The following ZNF587B variants were observed in gnomAD, a reference collection of about 807,000 sequenced individuals.
The protein encoded by ZNF587B is zinc finger protein 587B.
Under a neutral mutation model 7.2 loss-of-function variants are expected in ZNF587B, and 6 were observed. That is an observed-to-expected ratio of 0.83 (90% CI 0.46 to 1.65). The LOEUF is 1.65. Ranked by LOEUF, ZNF587B falls within the 40% of genes most tolerant of loss-of-function variation. ZNF587B has a pLI of 0.01. For missense variants in ZNF587B, 749 were observed against 761.0 expected, an observed-to-expected ratio of 0.98 and a Z score of 0.19; for synonymous variants, 274 against 254.3, an observed-to-expected ratio of 1.08 and a Z score of -0.74.
intron 1 of ZNF587B, among the ~76,000 whole-genome samples, chr19:57,832,118 G>C (rs1170562442): frequency 3.3e-5 from 5 of 150,460 alleles, no homozygotes; most frequent in Admixed American, 6.6e-5. Context: ...ACAGAGTCTC[G>C]CTCTATCGCC....
In ZNF587B at chr19:57,840,732, A is replaced by G. The variant is rs567185076; in HGVS notation, c.164-106A>G. 5.0e-6 allele frequency: 8 copies of G among 1,606,992 alleles called. No homozygotes were observed. The African/African-American group carries it at 1.1e-4, about 22-fold the overall frequency. On this transcript the variant is annotated intron_variant, in intron 2 of 2. Coordinates refer to ENST00000594901, the MANE Select transcript of ZNF587B (RefSeq NM_001376223.1). ...CTGAAGCCAACATCCTGTTCCTCCA[A>G]GTAGTTCCTTGGAGTAATTCCTCAG...
At chr19:57,838,091 A>G (rs1485342754) in intron 1 of ZNF587B, among the ~76,000 whole-genome samples, 1 of 151,764 alleles carries the variant, frequency 6.6e-6, no homozygotes, top group African/African-American at 2.4e-5. Flanking sequence ...GGTGGATCAC[A>G]AAGTCAGGAG....
Position 57,841,957 on chromosome 19 carries a change from A to G in ZNF587B, c.1283A>G (p.His428Arg), listed in dbSNP as rs752377788. The G allele has an allele frequency of 1.2e-6, 2 of 1,612,162 alleles. No individual in the cohort carries two copies. Among genetic ancestry groups the G allele is most frequent in the East Asian group, 4.5e-5 (2 of 44,784 alleles). Residue 428 changes from histidine to arginine, a missense_variant, in exon 3 of 3, where the codon CAT (histidine) becomes CGT (arginine). His to Arg is a conservative substitution (Grantham distance 29, BLOSUM62 0). Transcript: ENST00000594901. ...AATGAAAAAGGACACCTTAGGAGTCATCAGCGAGTTCACACTACAGAAAGA... is the reference window on the plus strand; with the variant it reads ...AATGAAAAAGGACACCTTAGGAGTCGTCAGCGAGTTCACACTACAGAAAGA... ...SFNEKGHLRS[H>R]QRVHTTERPY... is the part of the protein sequence containing the mutation.
At position 57,841,407 on chromosome 19, in the gene ZNF587B, T is replaced by C. The variant is rs1327719765; in HGVS notation, c.733T>C (p.Cys245Arg). The C allele has an allele frequency of 9.5e-6, 15 of 1,585,714 alleles. No homozygotes were observed. Among genetic ancestry groups the C allele is most frequent in the Non-Finnish European group, 1.3e-5 (15 of 1,165,120 alleles). The change falls in exon 3 of 3, where the codon TGT becomes CGT. Residue 245 changes from cysteine to arginine, a missense_variant. Cys to Arg is a radical substitution (Grantham distance 180). This residue lies in a region of ZNF587B where 656 missense variants were observed against 596.5 expected (regional missense o/e 1.10). Transcript: ENST00000594901. ...LLPREECYVC[C>R]ECGKSFSKYV... The stretch of plus-strand genomic sequence containing the variant: ...CCCTCGAGAAGAATGTTATGTGTGC[T>C]GTGAATGTGGGAAATCCTTTAGCAA...
In ZNF587B at chr19:57,843,241, C is replaced by T; in HGVS notation, c.*665C>T. On this transcript the variant is annotated 3_prime_UTR_variant, in exon 3 of 3. Transcript: ENST00000594901. ...TCCTGAGCTCAAGCAATCTGTACAC[C>T]TCAGCCTCCCAAAGTGCTGAGATTG... 2.1e-6 allele frequency: 2 copies of T among 958,294 alleles called. No homozygotes were observed. The highest frequency in any genetic ancestry group is 2.5e-6 in the Non-Finnish European group (2 of 805,238). The allele number at this position is 958,294 out of a possible 1,614,324, so 59.4% of individuals were successfully genotyped here. A position where few individuals can be genotyped will look rare whatever the true frequency, so the allele number is the denominator to read the frequency against.
intron 1 of ZNF587B, among the ~76,000 whole-genome samples, chr19:57,835,307 G>C (rs921335401): frequency 8.3e-6 from 1 of 120,838 alleles, no homozygotes; most frequent in African/African-American, 3.3e-5. Flanking sequence ...TAATGCGGTC[G>C]GTAAGGACAT....
intron 1 of ZNF587B, among the ~76,000 whole-genome samples, chr19:57,836,685 C>T (rs1344350098): frequency 3.9e-5 from 6 of 152,092 alleles, no homozygotes; most frequent in South Asian, 2.1e-4. Flanking sequence ...TATATCTGAA[C>T]GGGTGCAGTG....
At position 57,842,047 on chromosome 19, in the gene ZNF587B, A is replaced by G; in HGVS notation, c.1373A>G (p.His458Arg). The change falls in exon 3 of 3, where the codon CAT (histidine) becomes CGT (arginine). Residue 458 changes from histidine to arginine, a missense_variant. Coordinates refer to ENST00000594901, the MANE Select transcript of ZNF587B (RefSeq NM_001376223.1). ...AAGGGTAACCTCATTCTACACCAGC[A>G]TGGCCATACTAGAAAAAGGCCTTAT... ...SHKGNLILHQ[H>R]GHTRKRPYMC... The G allele has an allele frequency of 6.3e-7, 1 of 1,590,892 alleles. No homozygotes were observed.
At chr19:57,831,964 C>T (rs1299986917) in intron 1 of ZNF587B, among the ~76,000 whole-genome samples, 5 of 152,016 alleles carry the variant, frequency 3.3e-5, no homozygotes, top group East Asian at 3.9e-4. Flanking sequence ...CCTCGGCCTC[C>T]GAAAGTGCTG....
Position 57,841,424 on chromosome 19 carries a change from C to G in ZNF587B, c.750C>G (p.Ser250=), listed in dbSNP as rs759779665. Reference sequence around the variant, plus strand: ...ATGTGTGCTGTGAATGTGGGAAATCCTTTAGCAAATATGTTAGCTTCAGTA... The same window carrying G: ...ATGTGTGCTGTGAATGTGGGAAATCGTTTAGCAAATATGTTAGCTTCAGTA... The part of the protein sequence containing the change: ...ECYVCCECGK[S]FSKYVSFSNH... Residue 250 remains serine, a synonymous_variant, in exon 3 of 3, where the codon TCC becomes TCG. Transcript: ENST00000594901. The G allele has an allele frequency of 4.2e-5, 66 of 1,584,096 alleles. No individual in the cohort carries two copies. In the East Asian group the frequency reaches 1.4e-3, roughly 34 times the overall value.
rs765611760 is a variant in ZNF587B, at chr19:57,841,378, T to A, written c.704T>A (p.Leu235His). The A allele has an allele frequency of 1.7e-4, 264 of 1,589,484 alleles. No individual in the cohort carries two copies. Among genetic ancestry groups the A allele is most frequent in the Non-Finnish European group, 2.2e-4 (254 of 1,167,008 alleles). The change falls in exon 3 of 3, where the codon CTT becomes CAT. Residue 235 changes from leucine (L) to histidine (H), a missense_variant. Coordinates refer to ENST00000594901, the MANE Select transcript of ZNF587B (RefSeq NM_001376223.1). ...CATATACTCAGTCAGCACCAGAGAC[T>A]TCTCCCTCGAGAAGAATGTTATGTG... ...TKHILSQHQR[L>H]LPREECYVCC...
Position 57,830,492 on chromosome 19 carries a change from C to T in ZNF587B, c.-37C>T. ...ATGCCCATATCTCCTGGCTGGTCAC[C>T]CTCTCCTCCCAACCCTGCTTTAAAC... is the stretch of plus-strand genomic sequence containing the variant. On this transcript the variant is annotated 5_prime_UTR_variant, in exon 1 of 3. Transcript: ENST00000594901. 6.5e-7 allele frequency: 1 copy of T among 1,548,076 alleles called. No individual in the cohort carries two copies.
intron 1 of ZNF587B, among the ~76,000 whole-genome samples, chr19:57,838,576 G>A (rs2122229599): frequency 6.6e-6 from 1 of 152,292 alleles, no homozygotes; most frequent in Non-Finnish European, 1.5e-5. Context: ...ACTCCAGCCT[G>A]GCAGCAGAGG....
In ZNF587B at chr19:57,842,162, T is replaced by G. The variant is rs1161792626; in HGVS notation, c.1488T>G (p.Cys496Trp). The change falls in exon 3 of 3, where the codon TGT becomes TGG. Residue 496 changes from cysteine to tryptophan, a missense_variant. Coordinates refer to ENST00000594901, the MANE Select transcript of ZNF587B (RefSeq NM_001376223.1). The stretch of plus-strand genomic sequence containing the variant: ...ACAGTGGAGAGAAGCCATATGCTTG[T>G]GAGGCTTGTCAGAAATTTTTTAGGC... ...RIHSGEKPYA[C>W]EACQKFFRHK... is the part of the protein sequence containing the mutation. 1 of 1,613,012 alleles carries G rather than the reference T, an allele frequency of 6.2e-7. No homozygotes were observed. Among genetic ancestry groups the G allele is most frequent in the Non-Finnish European group, 8.5e-7 (1 of 1,179,624 alleles).
At chr19:57,838,866 A>ATTG (rs924135915) in intron 1 of ZNF587B, among the ~76,000 whole-genome samples, 157 bp from the exon 2 acceptor site, 27 of 152,142 alleles carry the variant, frequency 1.8e-4, no homozygotes, top group African/African-American at 5.5e-4. Context: ...TCAACTAACT[A>ATTG]TTGTTGGTGG....
chr19:57,839,261 G>A (rs1988749148), intron 2 of ZNF587B, 112 bp downstream of exon 2: 2 of 1,503,034 alleles, frequency 1.3e-6, no homozygotes, highest in African/African-American at 1.4e-5. Flanking sequence ...TCCTGCTTCA[G>A]TTCTATGGGT....
In ZNF587B at chr19:57,845,787, T is replaced by A. The variant is rs558975148; in HGVS notation, c.*3211T>A. 1 of 152,286 alleles carries A rather than the reference T, an allele frequency of 6.6e-6. No individual in the cohort carries two copies. The highest frequency in any genetic ancestry group is 1.9e-4 in the East Asian group (1 of 5,190). 9.4% of individuals were successfully genotyped at this position (152,286 alleles called of 1,614,324 possible). A position where few individuals can be genotyped will look rare whatever the true frequency, so the allele number is the denominator to read the frequency against. On this transcript the variant is annotated 3_prime_UTR_variant, in exon 3 of 3. Transcript: ENST00000594901. ...CCAGCACTTTGGGAGGCCAGATTCC[T>A]TGAGACCAGTGTGGGGAACATGGCA...
At chr19:57,836,352 G>A (rs1259091611) in intron 1 of ZNF587B, among the ~76,000 whole-genome samples, 1 of 152,244 alleles carries the variant, frequency 6.6e-6, no homozygotes, top group African/African-American at 2.4e-5. Flanking sequence ...GGATCGGTTT[G>A]AATGGGCCAT....
At chr19:57,838,017 A>G (rs1311514653) in intron 1 of ZNF587B, among the ~76,000 whole-genome samples, 2 of 152,116 alleles carry the variant, frequency 1.3e-5, no homozygotes, top group Non-Finnish European at 2.9e-5. Context: ...AAATTAAGAT[A>G]CTTTAAGTTG....
Sources: allele counts gnomAD v4.1 joint callset (sites outside exome capture counted in the v4.1 genomes callset), GRCh38; gene constraint gnomAD v4.1.1; regional missense constraint gnomAD v4.1.1; transcripts MANE v1.5; gene names NCBI Gene and HGNC (gene_info 2026-07-23, HGNC 2026-07-21).